Variants in PVT1 observed in about 807,000 individuals in gnomAD.
The protein encoded by PVT1 is CXCR4/PVT1 fusion.
chr8:127,998,696 CTTCT>C (rs753563948), intron 4 of PVT1, among the ~76,000 whole-genome samples: 127 of 124,418 alleles, frequency 1.0e-3, no homozygotes, highest in African/African-American at 2.2e-3. Context: ...TCTTTTCTTT[CTTCT>C]TTCTTTCTTT....
intron 4 of PVT1, among the ~76,000 whole-genome samples, chr8:127,991,359 T>C (rs1486458285): frequency 6.6e-6 from 1 of 152,002 alleles, no homozygotes; most frequent in Non-Finnish European, 1.5e-5. Flanking sequence ...TTAGCCAGGA[T>C]AGTCTTGATC....
At chr8:127,831,044 G>A (rs964225308) in intron 2 of PVT1, among the ~76,000 whole-genome samples, 1 of 94,118 alleles carries the variant, frequency 1.1e-5, no homozygotes, top group South Asian at 4.4e-4. Context: ...ATATACATAC[G>A]TGTGTGTGTG....
intron 3 of PVT1, among the ~76,000 whole-genome samples, chr8:127,972,164 G>A (rs1217641000): frequency 2.0e-5 from 3 of 152,248 alleles, no homozygotes; most frequent in Admixed American, 6.5e-5. Flanking sequence ...GCTGCATGCT[G>A]GGGCGAAGTT....
chr8:127,856,349 A>AT (rs940165222), intron 2 of PVT1, among the ~76,000 whole-genome samples: 7 of 148,462 alleles, frequency 4.7e-5, no homozygotes, highest in South Asian at 2.2e-4. Flanking sequence ...ATACGTATAT[A>AT]TTTTTTTTTC....
chr8:127,795,899 A>T (rs1814390098), exon 2 of PVT1: 1 of 170,528 alleles, frequency 5.9e-6, no homozygotes, highest in Non-Finnish European at 1.5e-5. Context: ...TACAGGATTT[A>T]TTAGGAGAAA....
chr8:128,007,098 T>C (rs1305145445), intron 4 of PVT1, among the ~76,000 whole-genome samples: 1 of 152,202 alleles, frequency 6.6e-6, no homozygotes, highest in African/African-American at 2.4e-5. Context: ...AGACAAAGAA[T>C]GACTGAGGAA....
At chr8:128,004,974 C>G (rs1421680003) in intron 4 of PVT1, among the ~76,000 whole-genome samples, 2 of 152,090 alleles carry the variant, frequency 1.3e-5, no homozygotes, top group Non-Finnish European at 2.9e-5. Flanking sequence ...AACCCCGTCT[C>G]TACTAAAAAT....
At chr8:128,063,111 C>T (rs552521561) in intron 4 of PVT1, among the ~76,000 whole-genome samples, 31 of 152,308 alleles carry the variant, frequency 2.0e-4, no homozygotes, top group African/African-American at 7.5e-4. Flanking sequence ...TCTTTCCAAC[C>T]TACCCCTTTA....
intron 2 of PVT1, among the ~76,000 whole-genome samples, chr8:127,815,372 T>C (rs1296664683): frequency 6.6e-6 from 1 of 152,216 alleles, no homozygotes; most frequent in African/African-American, 2.4e-5. Context: ...TAACTCTTTG[T>C]TTTGTTGCCT....
intron 2 of PVT1, among the ~76,000 whole-genome samples, chr8:127,851,432 A>G (rs28583916): frequency 0.036 from 5,424 of 152,224 alleles, 260 homozygotes; most frequent in East Asian, 0.14. Flanking sequence ...ACCCCCGCCC[A>G]TGGCCCTCAT....
intron 2 of PVT1, among the ~76,000 whole-genome samples, chr8:127,823,824 G>C (rs1439776567): frequency 6.6e-6 from 1 of 152,232 alleles, no homozygotes; most frequent in Admixed American, 6.5e-5. Flanking sequence ...ACTGCCCGTC[G>C]AAGCAGTCGG....
rs1491237389 is a variant in PVT1 at position 127,921,852 on chromosome 8, ATG to A, written n.782+30856_782+30857del. 6.1e-3 allele frequency among the ~76,000 whole-genome samples: 503 copies of A among 81,984 alleles called. 4 individuals carry two copies. The highest frequency in any genetic ancestry group is 0.019 in the African/African-American group (472 of 25,268). 53.8% of individuals were successfully genotyped at this position (81,984 alleles called of 152,430 possible). Reference sequence around the variant, plus strand: ...TTAAAAAAATTATAATTTTTGGTTCATGTTTTTTTTTTTTTTTTTTTTTTTTG... The same window carrying A: ...TTAAAAAAATTATAATTTTTGGTTCATTTTTTTTTTTTTTTTTTTTTTTTG... On this transcript the variant is annotated intron_variant and non_coding_transcript_variant, in intron 3 of 10. Transcript: ENST00000651587.
intron 3 of PVT1, among the ~76,000 whole-genome samples, chr8:127,936,034 CT>C (rs937905808): frequency 0.019 from 1,875 of 101,262 alleles, 30 homozygotes; most frequent in African/African-American, 0.064. Context: ...CTCTCTCTCT[CT>C]TTTTTTTTTT....
chr8:127,987,786 G>A (rs1268221483), intron 3 of PVT1, among the ~76,000 whole-genome samples: 1 of 152,228 alleles, frequency 6.6e-6, no homozygotes, highest in African/African-American at 2.4e-5. Context: ...GGGTAACGAA[G>A]CAAATTCATT....
At chr8:127,860,579 A>G (rs1461415335) in intron 2 of PVT1, among the ~76,000 whole-genome samples, 2 of 152,034 alleles carry the variant, frequency 1.3e-5, no homozygotes, top group African/African-American at 2.4e-5. Context: ...CCTGGTCAAC[A>G]TGGTGAAACC....
chr8:127,967,846 A>C (rs1295005666), intron 3 of PVT1, among the ~76,000 whole-genome samples: 2 of 152,244 alleles, frequency 1.3e-5, no homozygotes, highest in African/African-American at 2.4e-5. Flanking sequence ...CTCTGAGCAC[A>C]CACAGGCTCC....
At chr8:127,946,847 C>T (rs979168260) in intron 3 of PVT1, 1 of 153,340 alleles carries the variant, frequency 6.5e-6, no homozygotes, top group African/African-American at 2.4e-5. Context: ...GTCAGCCTAC[C>T]TTTGACCCAA....
intron 2 of PVT1, among the ~76,000 whole-genome samples, chr8:127,848,912 A>G (rs931691229): frequency 2.6e-5 from 4 of 152,160 alleles, no homozygotes; most frequent in African/African-American, 9.7e-5. Context: ...AGGCCTAGAG[A>G]GGACTGAAGC....
At chr8:127,978,568 C>A (rs1393865312) in intron 3 of PVT1, among the ~76,000 whole-genome samples, 1 of 151,936 alleles carries the variant, frequency 6.6e-6, no homozygotes, top group East Asian at 1.9e-4. Context: ...ACTACAACTT[C>A]TGCCTCCTGG....
Sources: gnomAD v4.1 joint callset for allele counts (sites outside exome capture counted in the v4.1 genomes callset) on GRCh38, gnomAD v4.1.1 for gene constraint, MANE v1.5 for transcripts, NCBI Gene and HGNC (gene_info 2026-07-23, HGNC 2026-07-21) for gene names.